The following CCNI2 variants were observed in gnomAD, a reference collection of about 807,000 sequenced individuals.
CCNI2 encodes cyclin-I2.
CCNI2 carries 32 observed loss-of-function variants against 33.2 expected under a neutral mutation model. The observed-to-expected ratio is 0.96, with a 90% CI of 0.73 to 1.30. The LOEUF is 1.30. Among genes scored for constraint, CCNI2 ranks in the 50% most tolerant of loss-of-function variants. The pLI, the probability that CCNI2 is intolerant of heterozygous loss-of-function variation, is 0.00. For missense variants in CCNI2, 452 were observed against 486.2 expected (o/e 0.93, Z 0.66); for synonymous variants, 231 against 219.9 (o/e 1.05, Z -0.45).
At chr5:132,755,987 AAAG>A, downstream of CCNI2, 1 of 985,450 alleles carries the variant, frequency 1.0e-6, no homozygotes, top group Non-Finnish European at 1.2e-6. Context: ...ACTGCCCAAA[AAAG>A]ACACCACAAA....
intron 2 of CCNI2, among the ~76,000 whole-genome samples, 186 bp from the exon 3 acceptor site, chr5:132,749,162 A>C (rs1754700459): frequency 6.6e-6 from 1 of 152,186 alleles, no homozygotes; most frequent in Non-Finnish European, 1.5e-5. Context: ...AGGCTGTGAC[A>C]GGAGAATCGC....
intron 4 of CCNI2, chr5:132,751,685 A>G (rs182007156): frequency 2.7e-4 from 144 of 528,066 alleles, no homozygotes; most frequent in African/African-American, 2.3e-3. Flanking sequence ...GTATGTTTCT[A>G]TTTTTCAGAA....
chr5:132,752,845 G>A, intron 5 of CCNI2, 21 bp from the exon 6 acceptor site: 1 of 1,590,632 alleles, frequency 6.3e-7, no homozygotes, highest in Non-Finnish European at 8.6e-7. Flanking sequence ...GCTTGAAGAT[G>A]GCCACTCTAT....
In CCNI2 at chr5:132,747,792, A is replaced by G. The variant is rs1252534587; in HGVS notation, c.297A>G (p.Gln99=). 1.4e-6 allele frequency: 2 copies of G among 1,477,302 alleles called. No individual in the cohort carries two copies. The highest frequency in any genetic ancestry group is 1.8e-6 in the Non-Finnish European group (2 of 1,121,812). The allele number at this position is 1,477,302 out of a possible 1,614,324, so 91.5% of individuals were successfully genotyped here. A position where few individuals can be genotyped will look rare whatever the true frequency, so the allele number is the denominator to read the frequency against. ...ADAVPAAAPE[Q]APRPAPQSRK... ...CGGTCCCCGCCGCCGCCCCAGAGCAAGCTCCGCGGCCGGCTCCACAGTCCC... is the reference window on the plus strand; with the variant it reads ...CGGTCCCCGCCGCCGCCCCAGAGCAGGCTCCGCGGCCGGCTCCACAGTCCC... Residue 99 remains glutamine, a synonymous_variant, in exon 1 of 6, where the codon CAA becomes CAG. Transcript: ENST00000378731. The surrounding 1 kb of genome is among the most constrained non-coding windows in gnomAD (Gnocchi z 4.1).
rs893648030 is a variant in CCNI2, at chr5:132,747,533, G to A, written c.38G>A (p.Ser13Asn). 6.6e-7 allele frequency: 1 copy of A among 1,506,440 alleles called. No individual in the cohort carries two copies. The highest frequency in any genetic ancestry group is 1.4e-5 in the African/African-American group (1 of 69,202). The allele number at this position is 1,506,440 out of a possible 1,614,324, so 93.3% of individuals were successfully genotyped here. A position where few individuals can be genotyped will look rare whatever the true frequency, so the allele number is the denominator to read the frequency against. The change falls in exon 1 of 6, where the codon AGC (serine) becomes AAC (asparagine). Residue 13 changes from serine (S) to asparagine (N), a missense_variant. Physicochemically the swap from Ser to Asn is conservative, Grantham distance 46 (BLOSUM62 1). Coordinates refer to ENST00000378731, the MANE Select transcript of CCNI2 (RefSeq NM_001039780.4). The surrounding 1 kb of genome is among the most constrained non-coding windows in gnomAD (Gnocchi z 4.1). ...GCTCAGCTCCCGCCGCAGCCGTCGA[G>A]CTCAGAGGTCAGCGCCGTCCAGAGC... is the stretch of plus-strand genomic sequence containing the variant. ...SGAQLPPQPS[S>N]SEVSAVQSPG...
Position 132,752,037 on chromosome 5 carries a change from C to G in CCNI2, c.846C>G (p.His282Gln). 6.2e-7 allele frequency: 1 copy of G among 1,611,556 alleles called. No individual in the cohort carries two copies. The highest frequency in any genetic ancestry group is 8.5e-7 in the Non-Finnish European group (1 of 1,179,042). ...TGCCTCAGAGGAATCCTTCCCTCCA[C>G]GTCGCATCCCTGACCAGGCAGCTGC... ...ELLPQRNPSL[H>Q]VASLTRQLQH... Residue 282 changes from histidine to glutamine, a missense_variant, in exon 5 of 6, where the codon CAC (histidine) becomes CAG (glutamine). By Grantham distance (24) the His-to-Gln change is conservative. Transcript: ENST00000378731.
In CCNI2 at chr5:132,753,245, ATGTT is replaced by A. The variant is rs1219791102; in HGVS notation, c.*276_*279del. ...GCCTGAAGCCAGGGAGTATGAATGA[ATGTT>A]CAAATGGCAGCTTGTTTTACCTTCC... On this transcript the variant is annotated 3_prime_UTR_variant, in exon 6 of 6. Transcript: ENST00000378731. The A allele has an allele frequency of 2.4e-6, 1 of 415,984 alleles. No homozygotes were observed. The highest frequency in any genetic ancestry group is 2.0e-5 in the African/African-American group (1 of 51,074). 25.8% of individuals were successfully genotyped at this position (415,984 alleles called of 1,614,324 possible). A position where few individuals can be genotyped will look rare whatever the true frequency, so the allele number is the denominator to read the frequency against.
intron 1 of CCNI2, 73 bp from the exon 2 acceptor site, chr5:132,748,274 G>C (rs1410440014): frequency 1.9e-6 from 3 of 1,581,108 alleles, no homozygotes; most frequent in African/African-American, 1.3e-5. Flanking sequence ...TTAAGCAGGA[G>C]GCTCCTGCTG....
Position 132,748,484 on chromosome 5 carries a change from GC to G in CCNI2, c.558+11del, listed in dbSNP as rs748208070. The G allele has an allele frequency of 4.3e-6, 7 of 1,613,912 alleles. No individual in the cohort carries two copies. In the South Asian group the frequency reaches 7.7e-5, roughly 18 times the overall value. On this transcript the variant is annotated intron_variant, in intron 2 of 5. Coordinates refer to ENST00000378731, the MANE Select transcript of CCNI2 (RefSeq NM_001039780.4). Reference sequence around the variant, plus strand: ...TCCTGATTTCAGTGAAGGTAGGGAGGCCTCTGAGGGACGGTGGCAGATGGTG... The same window carrying G: ...TCCTGATTTCAGTGAAGGTAGGGAGGCTCTGAGGGACGGTGGCAGATGGTG...
rs373566408 is a variant in CCNI2, at chr5:132,749,372, G to A, written c.583G>A (p.Ala195Thr). The change falls in exon 3 of 6, where the codon GCC becomes ACC. Residue 195 changes from alanine to threonine, a missense_variant. Physicochemically the swap from Ala to Thr is moderately conservative, Grantham distance 58 (BLOSUM62 0). Transcript: ENST00000378731. ...GGTAAAAGAGAAATACCTGCATTGC[G>A]CCACAATTACTTCCTTGAGGCTCGC... ...VKVKEKYLHC[A>T]TITSLRLAAK... 5.4e-5 allele frequency: 87 copies of A among 1,614,084 alleles called. 1 individual carries two copies. The highest frequency in any genetic ancestry group is 1.6e-4 in the Middle Eastern group (1 of 6,062).
At chr5:132,749,601 C>A (rs556881576) in intron 3 of CCNI2, among the ~76,000 whole-genome samples, 179 bp downstream of exon 3, 1 of 152,238 alleles carries the variant, frequency 6.6e-6, no homozygotes, top group Non-Finnish European at 1.5e-5. Flanking sequence ...TGAGACCCCA[C>A]AAATGAACAA....
chr5:132,752,008 C>G lies in CCNI2; in HGVS notation c.817C>G (p.Leu273Val), dbSNP rs764769439. 7 of 1,612,194 alleles carry G rather than the reference C, an allele frequency of 4.3e-6. No individual in the cohort carries two copies. The highest frequency in any genetic ancestry group is 1.7e-5 in the Admixed American group (1 of 59,864). The change falls in exon 5 of 6, where the codon CTG becomes GTG. Residue 273 changes from leucine (L) to valine (V), a missense_variant. Transcript: ENST00000378731. Reference protein sequence around the residue: ...VVLSWPHVLELLPQRNPSLHV... With the variant: ...VVLSWPHVLEVLPQRNPSLHV... ...CCTGAGCTGGCCCCATGTGTTGGAG[C>G]TGCTGCCTCAGAGGAATCCTTCCCT...
intron 5 of CCNI2, 94 bp downstream of exon 5, chr5:132,752,290 C>T: frequency 7.3e-7 from 1 of 1,373,116 alleles, no homozygotes; most frequent in Non-Finnish European, 9.7e-7. Flanking sequence ...CCCTTGTAGC[C>T]TCTGGAAAAT....
rs763005380 is a variant in CCNI2 at position 132,747,887 on chromosome 5, A to G, written c.392A>G (p.Asp131Gly). The part of the protein sequence containing the change: ...RLLCHLQLAQ[D>G]REARLWRGGK... ...CTCTGCCACTTGCAGCTGGCCCAGG[A>G]CCGCGAGGCGCGCCTGTGGCGGGGC... The change falls in exon 1 of 6, where the codon GAC becomes GGC. Residue 131 changes from aspartate (D) to glycine (G), a missense_variant. By Grantham distance (94) the Asp-to-Gly change is moderately conservative (BLOSUM62 -1). Transcript: ENST00000378731. This position sits in a 1 kb window ranked among gnomAD's most constrained non-coding sequence, Gnocchi z 4.1. 7.1e-7 allele frequency: 1 copy of G among 1,415,356 alleles called. No homozygotes were observed. 87.7% of individuals were successfully genotyped at this position (1,415,356 alleles called of 1,614,324 possible). A position where few individuals can be genotyped will look rare whatever the true frequency, so the allele number is the denominator to read the frequency against.
chr5:132,748,075 G>A (rs1754663279), intron 1 of CCNI2, 151 bp downstream of exon 1: 2 of 981,988 alleles, frequency 2.0e-6, no homozygotes, highest in South Asian at 1.9e-5. Flanking sequence ...GGATCCACCA[G>A]CTTCTCTCTA....
At chr5:132,750,707 G>A in intron 3 of CCNI2, 150 bp from the exon 4 acceptor site, 1 of 720,610 alleles carries the variant, frequency 1.4e-6, no homozygotes, top group Non-Finnish European at 2.3e-6. Context: ...GCCAAGATCT[G>A]GTTTAGTATT....
chr5:132,748,013 C>T (rs1462071705), intron 1 of CCNI2, 89 bp downstream of exon 1: 9 of 1,289,994 alleles, frequency 7.0e-6, no homozygotes, highest in Non-Finnish European at 9.0e-6. Flanking sequence ...TGTTCTGAAA[C>T]TGGAGGCCGG....
Position 132,753,040 on chromosome 5 carries a change from C to A in CCNI2, c.*70C>A. On this transcript the variant is annotated 3_prime_UTR_variant, in exon 6 of 6. Transcript: ENST00000378731. ...CTCCTTGCTTGGACTACCATGAGTT[C>A]TTTGGCTTGTTATGAATCCTGTAAA... 8.0e-7 allele frequency: 1 copy of A among 1,255,660 alleles called. No homozygotes were observed. Among genetic ancestry groups the A allele is most frequent in the Non-Finnish European group, 1.2e-6 (1 of 860,592 alleles). 77.8% of individuals were successfully genotyped at this position (1,255,660 alleles called of 1,614,324 possible).
chr5:132,752,301 G>T, intron 5 of CCNI2, 105 bp downstream of exon 5: 1 of 1,307,978 alleles, frequency 7.6e-7, no homozygotes, highest in Non-Finnish European at 1.0e-6. Flanking sequence ...TCTGGAAAAT[G>T]TTCTGGCCAT....
Sources: allele counts gnomAD v4.1 joint callset (sites outside exome capture counted in the v4.1 genomes callset), GRCh38; gene constraint gnomAD v4.1.1; non-coding constraint Gnocchi (gnomAD v3.1); transcripts MANE v1.5; gene names NCBI Gene and HGNC (gene_info 2026-07-23, HGNC 2026-07-21).